AFF4: variants seen among roughly 807,000 people sequenced by gnomAD.
The protein encoded by AFF4 is ALF transcription elongation factor 4, also known as AF4/FMR2 family member 4.
AFF4 carries 13 observed loss-of-function variants against 124.8 expected under a neutral mutation model. The ratio of observed to expected loss-of-function variants is 0.10; its 90% CI spans 0.07 to 0.17. The LOEUF is 0.17. Among genes scored for constraint, AFF4 ranks in the 10% least tolerant of loss-of-function variants. The probability of loss-of-function intolerance (pLI) is 1.00; values close to 1 mark genes in which losing one functional copy is unlikely to be tolerated. For synonymous variants in AFF4, 477 were observed against 496.1 expected (o/e 0.96, Z 0.51); for missense variants, 1,092 against 1,403.8 (o/e 0.78, Z 3.55).
chr5:132,928,688 A>C (rs1208663289), intron 4 of AFF4, among the ~76,000 whole-genome samples: 1 of 152,188 alleles, frequency 6.6e-6, no homozygotes, highest in African/African-American at 2.4e-5. Context: ...AGACATTAAA[A>C]TGAGAAATTT....
intron 2 of AFF4, 37 bp downstream of exon 2, chr5:132,937,030 C>G (rs772244907): frequency 7.6e-6 from 12 of 1,573,940 alleles, no homozygotes; most frequent in Non-Finnish European, 1.0e-5. Flanking sequence ...AAATGTCATG[C>G]TAATGGGAAA....
rs569470826 is a variant in AFF4, at chr5:132,958,240, A to G, written c.-5+5019T>C. Among the ~76,000 whole-genome samples, 17 of 152,204 alleles carry G rather than the reference A, an allele frequency of 1.1e-4. No individual in the cohort carries two copies. In the South Asian group the frequency reaches 3.5e-3, roughly 32 times the overall value. On this transcript the variant is annotated intron_variant, in intron 1 of 20. Coordinates refer to ENST00000265343, the MANE Select transcript of AFF4 (RefSeq NM_014423.4). ...CAGGCTATAGTCCCATAGTAGCTGC[A>G]TAACAAATAATTAAAAGAGGTACAC...
intron 20 of AFF4, 46 bp from the exon 21 acceptor site, chr5:132,881,232 T>G: frequency 6.3e-7 from 1 of 1,592,152 alleles, no homozygotes; most frequent in Non-Finnish European, 8.6e-7. Flanking sequence ...CTCTTTTGAA[T>G]CACTGCTTTA....
chr5:132,899,454 TACA>T (rs1334525097), intron 8 of AFF4, 130 bp downstream of exon 8: 12 of 892,588 alleles, frequency 1.3e-5, no homozygotes, highest in Non-Finnish European at 1.8e-5. Context: ...AGAAGAAAAC[TACA>T]ACATTTCAGT....
chr5:132,949,162 C>T (rs1205582076), intron 1 of AFF4, among the ~76,000 whole-genome samples: 1 of 146,676 alleles, frequency 6.8e-6, no homozygotes, highest in Non-Finnish European at 1.5e-5. Context: ...AAGATCCCAA[C>T]AAAACTACAC....
intron 20 of AFF4, 76 bp from the exon 21 acceptor site, chr5:132,881,262 T>C (rs533054226): frequency 2.7e-6 from 4 of 1,488,340 alleles, no homozygotes; most frequent in African/African-American, 1.4e-5. Flanking sequence ...GTAGAGATTA[T>C]AAAACAGCAT....
intron 17 of AFF4, among the ~76,000 whole-genome samples, chr5:132,887,231 C>T (rs1184815042): frequency 6.6e-6 from 1 of 152,162 alleles, no homozygotes; most frequent in African/African-American, 2.4e-5. Context: ...ATGGAGAGAG[C>T]GGGTACCAAA....
At chr5:132,890,088 C>T (rs1760216292) in intron 13 of AFF4, among the ~76,000 whole-genome samples, 1 of 151,754 alleles carries the variant, frequency 6.6e-6, no homozygotes, top group Non-Finnish European at 1.5e-5. Flanking sequence ...TCCAGGAATG[C>T]ATGGATGTTT....
At chr5:132,912,661 T>G (rs543593563) in intron 5 of AFF4, among the ~76,000 whole-genome samples, 1 of 152,232 alleles carries the variant, frequency 6.6e-6, no homozygotes, top group East Asian at 1.9e-4. Context: ...GCGCCCAGCC[T>G]AAAAGATAAT....
chr5:132,920,999 C>T (rs181679422), intron 5 of AFF4, among the ~76,000 whole-genome samples: 50 of 151,932 alleles, frequency 3.3e-4, no homozygotes, highest in South Asian at 4.2e-4. Flanking sequence ...TGGTGGCAGG[C>T]GCCTGCAGTC....
At chr5:132,900,875 T>C (rs1760534010) in intron 7 of AFF4, 1 of 982,870 alleles carries the variant, frequency 1.0e-6, no homozygotes, top group African/African-American at 1.7e-5. Flanking sequence ...CCATTACCTT[T>C]CTTAAAATTT....
At chr5:132,884,267 A>G (rs891692624) in intron 19 of AFF4, among the ~76,000 whole-genome samples, 2 of 152,194 alleles carry the variant, frequency 1.3e-5, no homozygotes. Context: ...GGAGACACTC[A>G]TGCTCTGTCA....
chr5:132,899,399 C>A (rs1760491183), intron 8 of AFF4, among the ~76,000 whole-genome samples, 188 bp downstream of exon 8: 1 of 151,340 alleles, frequency 6.6e-6, no homozygotes, highest in East Asian at 1.9e-4. Flanking sequence ...TGAGGAAAAC[C>A]CAATTTTTTA....
chr5:132,910,872 A>G (rs1224853862), intron 5 of AFF4, among the ~76,000 whole-genome samples: 1 of 152,238 alleles, frequency 6.6e-6, no homozygotes, highest in Non-Finnish European at 1.5e-5. Context: ...CAGTGTCAAG[A>G]ACACTGCTGG....
intron 1 of AFF4, among the ~76,000 whole-genome samples, chr5:132,962,744 C>A (rs529812243): frequency 6.6e-6 from 1 of 151,936 alleles, no homozygotes; most frequent in East Asian, 1.9e-4. Context: ...GAGTATTATA[C>A]CCCCACGTTC....
chr5:132,920,512 G>A lies in AFF4; in HGVS notation c.1050+6609C>T, dbSNP rs557288385. On this transcript the variant is annotated intron_variant, in intron 5 of 20. Coordinates refer to ENST00000265343, the MANE Select transcript of AFF4 (RefSeq NM_014423.4). Reference sequence around the variant, plus strand: ...CTGGGACTATAGGTCATGCCACCACGCCTGGCTAATATTTACATTTTTTGT... The same window carrying A: ...CTGGGACTATAGGTCATGCCACCACACCTGGCTAATATTTACATTTTTTGT... 1.1e-4 allele frequency among the ~76,000 whole-genome samples: 17 copies of A among 151,678 alleles called. No individual in the cohort carries two copies. In the Middle Eastern group the frequency reaches 0.01, roughly 91 times the overall value.
chr5:132,921,460 T>A (rs1162833871), intron 5 of AFF4, among the ~76,000 whole-genome samples: 1 of 142,718 alleles, frequency 7.0e-6, no homozygotes, highest in African/African-American at 2.6e-5. Context: ...GACAGTTGTT[T>A]TCTTTTTTTT....
At chr5:132,916,416 A>T (rs1429552869) in intron 5 of AFF4, among the ~76,000 whole-genome samples, 2 of 151,894 alleles carry the variant, frequency 1.3e-5, no homozygotes, top group Non-Finnish European at 2.9e-5. Flanking sequence ...TTTTTTTTAA[A>T]ATCAAGAGTT....
At chr5:132,962,070 G>T (rs1441453771) in intron 1 of AFF4, among the ~76,000 whole-genome samples, 2 of 152,186 alleles carry the variant, frequency 1.3e-5, no homozygotes, top group Non-Finnish European at 2.9e-5. Context: ...TATGACCAAA[G>T]ATGATTCTAG....
Sources: gnomAD v4.1 joint callset for allele counts (sites outside exome capture counted in the v4.1 genomes callset) on GRCh38, gnomAD v4.1.1 for gene constraint, MANE v1.5 for transcripts, NCBI Gene and HGNC (gene_info 2026-07-23, HGNC 2026-07-21) for gene names.